SCN1A: variants seen among roughly 807,000 people sequenced by gnomAD.
SCN1A encodes sodium channel protein type 1 subunit alpha.
A neutral mutation model predicts 193.7 loss-of-function variants in SCN1A; 13 were observed. That is an observed-to-expected ratio of 0.07 (90% CI 0.04 to 0.11). SCN1A has a LOEUF of 0.11. Ranked by LOEUF, SCN1A falls within the 10% of genes least tolerant of loss-of-function variation. The pLI is 1.00. For synonymous variants in SCN1A, 781 were observed against 843.6 expected (o/e 0.93, Z 1.29); for missense variants, 1,432 against 2,451.1 (o/e 0.58, Z 8.78).
At chr2:166,068,708 T>C (rs983039511) in intron 4 of SCN1A, among the ~76,000 whole-genome samples, 3 of 152,184 alleles carry the variant, frequency 2.0e-5, no homozygotes, top group African/African-American at 7.2e-5. Flanking sequence ...AATTCATATA[T>C]GACTTCTCAT....
At chr2:166,144,684 T>C (rs1013718273) in intron 1 of SCN1A, among the ~76,000 whole-genome samples, 1 of 152,140 alleles carries the variant, frequency 6.6e-6, no homozygotes, top group Non-Finnish European at 1.5e-5. Flanking sequence ...AAATTATACT[T>C]ACCAATGTGT....
In SCN1A at chr2:165,996,651, C is replaced by G. The variant is rs1427131257; in HGVS notation, c.4477-534G>C. ...TTAGGGGATAAATCAGAGCTCATAG[C>G]ATAGTAAGTATGGGACAGACCAGTA... On this transcript the variant is annotated intron_variant, in intron 26 of 28. Transcript: ENST00000674923. Among the ~76,000 whole-genome samples, 4 of 151,230 alleles carry G rather than the reference C, an allele frequency of 2.6e-5. No individual in the cohort carries two copies. In the East Asian group the frequency reaches 5.8e-4, roughly 22 times the overall value.
At chr2:166,040,886 C>G (rs1028460468) in intron 16 of SCN1A, among the ~76,000 whole-genome samples, 1 of 152,098 alleles carries the variant, frequency 6.6e-6, no homozygotes, top group East Asian at 1.9e-4. Context: ...TAAAAGAGAT[C>G]CACAATTTTA....
intron 2 of SCN1A, among the ~76,000 whole-genome samples, chr2:166,093,777 CA>C (rs1368704626): frequency 6.6e-6 from 1 of 151,682 alleles, no homozygotes; most frequent in African/African-American, 2.4e-5. Flanking sequence ...TGTTTTAAAA[CA>C]AAAGAAAAAA....
rs1319249836 is a variant in SCN1A, at chr2:166,037,832, C to T, written c.2890G>A (p.Gly964Ser). ...ETMWDCMEVAGQAMCLTVFMM... is the reference protein window; with the variant it reads ...ETMWDCMEVASQAMCLTVFMM... ...AAGACAGTAAGGCACATGGCTTGAC[C>T]AGCAACCTCCATACAGTCCCACATG... Residue 964 changes from glycine (G) to serine (S), a missense_variant, in exon 18 of 29, where the codon GGT becomes AGT. Transcript: ENST00000674923. 1.9e-6 allele frequency: 3 copies of T among 1,614,076 alleles called. No homozygotes were observed. The South Asian group carries it at 3.3e-5, about 18-fold the overall frequency.
rs1689746406 is a variant in SCN1A at position 165,994,507 on chromosome 2, T to A, written c.4582-91A>T. The A allele has an allele frequency of 2.3e-5, 29 of 1,265,584 alleles. No individual in the cohort carries two copies. The South Asian group carries it at 3.6e-4, about 16-fold the overall frequency. 78.4% of individuals were successfully genotyped at this position (1,265,584 alleles called of 1,614,324 possible). The stretch of plus-strand genomic sequence containing the variant: ...TTTCTGCATTAATTGACTTTCTAGT[T>A]TCTTGCAAAGTAGTCATTGGCCCTG... On this transcript the variant is annotated intron_variant, in intron 27 of 28. Transcript: ENST00000674923.
At chr2:166,138,695 G>A (rs1691960867) in intron 1 of SCN1A, among the ~76,000 whole-genome samples, 1 of 152,184 alleles carries the variant, frequency 6.6e-6, no homozygotes, top group African/African-American at 2.4e-5. Flanking sequence ...GGGAAATGTG[G>A]GGTCAGAGCC....
chr2:166,148,202 C>T (rs1692399342), intron 1 of SCN1A, among the ~76,000 whole-genome samples: 1 of 152,138 alleles, frequency 6.6e-6, no homozygotes, highest in Non-Finnish European at 1.5e-5. Context: ...AGATTAGATG[C>T]CATCTGTTGT....
intron 2 of SCN1A, among the ~76,000 whole-genome samples, chr2:166,098,150 C>T (rs1054174987): frequency 6.6e-6 from 1 of 152,132 alleles, no homozygotes. Flanking sequence ...CCCAGCAGCA[C>T]ATCCAAAAAG....
chr2:166,022,779 C>A (rs79481945), intron 19 of SCN1A, among the ~76,000 whole-genome samples: 1 of 152,102 alleles, frequency 6.6e-6, no homozygotes, highest in Non-Finnish European at 1.5e-5. Context: ...GTAGTTCTGA[C>A]TTTTTAATGT....
At chr2:166,084,752 G>A (rs769694816) in intron 2 of SCN1A, among the ~76,000 whole-genome samples, 6 of 152,072 alleles carry the variant, frequency 3.9e-5, no homozygotes, top group Non-Finnish European at 5.9e-5. Context: ...TATGGCAGAC[G>A]CACCTGACAG....
intron 2 of SCN1A, among the ~76,000 whole-genome samples, chr2:166,109,857 T>C (rs1244265841): frequency 2.0e-5 from 3 of 152,064 alleles, no homozygotes; most frequent in Non-Finnish European, 4.4e-5. Context: ...TCAATAACCC[T>C]ACTATGTGGG....
intron 5 of SCN1A, among the ~76,000 whole-genome samples, chr2:166,057,128 G>A (rs1699211133): frequency 6.6e-6 from 1 of 151,982 alleles, no homozygotes; most frequent in African/African-American, 2.4e-5. Flanking sequence ...ATTCAACATA[G>A]CAAAGTGATG....
chr2:166,117,730 T>G (rs1690017405), intron 2 of SCN1A, among the ~76,000 whole-genome samples: 1 of 151,990 alleles, frequency 6.6e-6, no homozygotes, highest in Non-Finnish European at 1.5e-5. Flanking sequence ...GGCACGGAGG[T>G]TCATGCCTGT....
At chr2:166,059,670 C>A (rs537243090) in intron 4 of SCN1A, 37 of 152,254 alleles carry the variant, frequency 2.4e-4, no homozygotes, top group African/African-American at 8.7e-4. Context: ...TTCACCCATT[C>A]TTCGAAAGCT....
chr2:166,031,400 C>T (rs554705587), intron 19 of SCN1A, among the ~76,000 whole-genome samples: 3 of 152,220 alleles, frequency 2.0e-5, no homozygotes, highest in African/African-American at 7.2e-5. Flanking sequence ...TACTAATTGT[C>T]TCCAAATACA....
chr2:166,050,474 T>C (rs1372394387), intron 9 of SCN1A, among the ~76,000 whole-genome samples: 3 of 150,830 alleles, frequency 2.0e-5, no homozygotes, highest in Non-Finnish European at 4.4e-5. Flanking sequence ...TCATAGTCAG[T>C]ATTTTGAACT....
chr2:166,080,719 G>C lies in SCN1A; in HGVS notation c.-141-2918C>G, dbSNP rs149260264. On this transcript the variant is annotated intron_variant, in intron 2 of 28. Transcript: ENST00000674923. Reference sequence around the variant, plus strand: ...TGTAAGAAAATGAAGTGGAAATTTTGAGTGGAAAGAAATAGTAAAGTAATA... The same window carrying C: ...TGTAAGAAAATGAAGTGGAAATTTTCAGTGGAAAGAAATAGTAAAGTAATA... Among the ~76,000 whole-genome samples the C allele has an allele frequency of 6.6e-5, 10 of 151,588 alleles. No homozygotes were observed. The East Asian group carries it at 1.7e-3, about 26-fold the overall frequency.
At chr2:166,013,201 C>T (rs928147752) in intron 21 of SCN1A, among the ~76,000 whole-genome samples, 7 of 151,350 alleles carry the variant, frequency 4.6e-5, no homozygotes, top group Non-Finnish European at 1.0e-4. Context: ...TAAAGATAAA[C>T]CCATCCTTAA....
Sources: allele counts gnomAD v4.1 joint callset (sites outside exome capture counted in the v4.1 genomes callset), GRCh38; gene constraint gnomAD v4.1.1; transcripts MANE v1.5; gene names NCBI Gene and HGNC (gene_info 2026-07-23, HGNC 2026-07-21).